CFAP45: variants seen among roughly 807,000 people sequenced by gnomAD.
The protein encoded by CFAP45 is cilia and flagella associated protein 45.
A neutral mutation model predicts 75.6 loss-of-function variants in CFAP45; 43 were observed. That is an observed-to-expected ratio of 0.57 (90% CI 0.45 to 0.73). The LOEUF is 0.73. Among genes scored for constraint, CFAP45 ranks in the 30% least tolerant of loss-of-function variants. The pLI is 0.00. For synonymous variants in CFAP45, 223 were observed against 244.6 expected, an observed-to-expected ratio of 0.91 and a Z score of 0.82; for missense variants, 689 against 701.5, an observed-to-expected ratio of 0.98 and a Z score of 0.20.
rs1649756496 is a variant in CFAP45 at position 159,888,798 on chromosome 1, A to T, written c.273-302T>A. On this transcript the variant is annotated intron_variant, in intron 3 of 11. Transcript: ENST00000368099. ...CCACATGTGCCCACTCTGCCCCCCC[A>T]CCAAGGACCAATAGATCACCTCCTC... Among the ~76,000 whole-genome samples, 3 of 116,572 alleles carry T rather than the reference A, an allele frequency of 2.6e-5. No individual in the cohort carries two copies. The South Asian group carries it at 1.0e-3, about 40-fold the overall frequency. 76.5% of individuals were successfully genotyped at this position (116,572 alleles called of 152,430 possible).
intron 11 of CFAP45, 67 bp from the exon 12 acceptor site, chr1:159,872,630 G>C: frequency 7.1e-7 from 1 of 1,407,398 alleles, no homozygotes; most frequent in Non-Finnish European, 1.0e-6. Context: ...GAGGAAGCAG[G>C]CTCTGGGTGG....
chr1:159,896,414 C>T (rs1013526719), intron 1 of CFAP45, among the ~76,000 whole-genome samples: 6 of 152,126 alleles, frequency 3.9e-5, no homozygotes, highest in African/African-American at 1.4e-4. Flanking sequence ...ACTTTGAAGC[C>T]GCAGCCTTAC....
chr1:159,897,257 C>T (rs1649972771), intron 1 of CFAP45, among the ~76,000 whole-genome samples: 1 of 151,536 alleles, frequency 6.6e-6, no homozygotes, highest in South Asian at 2.1e-4. Context: ...GAGCAAGACA[C>T]TGTCTCAAAA....
intron 8 of CFAP45, among the ~76,000 whole-genome samples, chr1:159,879,510 G>A (rs946630917): frequency 2.6e-5 from 4 of 152,170 alleles, no homozygotes; most frequent in Non-Finnish European, 4.4e-5. Flanking sequence ...CACTTAGCAC[G>A]GAGCCTATGC....
chr1:159,873,265 C>G, intron 10 of CFAP45, 97 bp from the exon 11 acceptor site: 1 of 956,348 alleles, frequency 1.0e-6, no homozygotes, highest in Non-Finnish European at 1.6e-6. Flanking sequence ...CTTCAGTAGA[C>G]ATGCCTCAGA....
chr1:159,893,241 G>C lies in CFAP45; in HGVS notation c.68C>G (p.Ala23Gly). 6.2e-7 allele frequency: 1 copy of C among 1,613,988 alleles called. No homozygotes were observed. Among genetic ancestry groups the C allele is most frequent in the African/African-American group, 1.3e-5 (1 of 75,034 alleles). The change falls in exon 2 of 12, where the codon GCT becomes GGT. Residue 23 changes from alanine to glycine, a missense_variant. Ala to Gly is a moderately conservative substitution (Grantham distance 60). Coordinates refer to ENST00000368099, the MANE Select transcript of CFAP45 (RefSeq NM_012337.3). Reference sequence around the variant, plus strand: ...GCTCACGGCTTTGGTCCGATAGCGAGCCTTATTCCTTGACCTGTTGGAAGC... The same window carrying C: ...GCTCACGGCTTTGGTCCGATAGCGACCCTTATTCCTTGACCTGTTGGAAGC... ...SAASNRSRNKARYRTKAVSSE... is the reference protein window; with the variant it reads ...SAASNRSRNKGRYRTKAVSSE...
chr1:159,884,947 CCAAA>C (rs762261047), intron 6 of CFAP45, among the ~76,000 whole-genome samples: 47 of 152,172 alleles, frequency 3.1e-4, no homozygotes, highest in South Asian at 1.2e-3. Flanking sequence ...TAGTAAAAAG[CCAAA>C]CAAACAAACA....
chr1:159,888,558 G>A, intron 3 of CFAP45, 62 bp from the exon 4 acceptor site: 12 of 1,469,772 alleles, frequency 8.2e-6, no homozygotes, highest in Non-Finnish European at 1.0e-5. Flanking sequence ...CCACACTTCA[G>A]GCTTCTCTGC....
intron 7 of CFAP45, among the ~76,000 whole-genome samples, chr1:159,881,139 A>G (rs1055324398): frequency 2.0e-5 from 3 of 152,138 alleles, no homozygotes; most frequent in Non-Finnish European, 2.9e-5. Flanking sequence ...AGTGCTTTCT[A>G]TTTCTTGAGC....
chr1:159,872,846 A>G, intron 11 of CFAP45, 98 bp downstream of exon 11: 1 of 1,197,282 alleles, frequency 8.4e-7, no homozygotes, highest in African/African-American at 1.5e-5. Flanking sequence ...CATCTCTGCC[A>G]TGGCCCTTCA....
chr1:159,891,160 C>T (rs1459929088), intron 2 of CFAP45, among the ~76,000 whole-genome samples: 1 of 152,166 alleles, frequency 6.6e-6, no homozygotes, highest in Non-Finnish European at 1.5e-5. Flanking sequence ...TGTGTCTATA[C>T]TTAGTCTAAA....
chr1:159,900,034 T>A (rs1370376662), intron 1 of CFAP45, 62 bp downstream of exon 1: 1 of 1,604,822 alleles, frequency 6.2e-7, no homozygotes. Flanking sequence ...GCCCCCACTT[T>A]CCCCACTCAG....
chr1:159,881,838 C>T lies in CFAP45; in HGVS notation c.898-1138G>A, dbSNP rs146978312. Among the ~76,000 whole-genome samples the T allele has an allele frequency of 1.1e-3, 171 of 152,282 alleles. 2 individuals are homozygous for T. The highest frequency in any genetic ancestry group is 3.9e-3 in the African/African-American group (160 of 41,540). ...TCGGAATTAGGGGAACAGCTGGCCC[C>T]CCAATCACCTCCAATCAATCTCAGA... On this transcript the variant is annotated intron_variant, in intron 7 of 11. Coordinates refer to ENST00000368099, the MANE Select transcript of CFAP45 (RefSeq NM_012337.3).
intron 7 of CFAP45, among the ~76,000 whole-genome samples, chr1:159,881,463 C>T (rs1649548771): frequency 6.6e-6 from 1 of 152,150 alleles, no homozygotes; most frequent in Non-Finnish European, 1.5e-5. Context: ...TTGCAGGTCC[C>T]CACTCATTTC....
At chr1:159,884,099 G>A (rs1649617654) in intron 7 of CFAP45, among the ~76,000 whole-genome samples, 1 of 152,160 alleles carries the variant, frequency 6.6e-6, no homozygotes, top group Admixed American at 6.5e-5. Context: ...AATATCCCTA[G>A]GTGATTGAAG....
In CFAP45 at chr1:159,888,021, A is replaced by G; in HGVS notation, c.418-10T>C. ...GTGTCATCACTGCATCCTAAGGGAG[A>G]CCAGTCTGGCTCAGTGGGAGATTAT... is the stretch of plus-strand genomic sequence containing the variant. On this transcript the variant is annotated splice_polypyrimidine_tract_variant and intron_variant, in intron 4 of 11. Transcript: ENST00000368099. The G allele has an allele frequency of 6.2e-7, 1 of 1,612,572 alleles. No individual in the cohort carries two copies. Among genetic ancestry groups the G allele is most frequent in the Non-Finnish European group, 8.5e-7 (1 of 1,178,890 alleles).
chr1:159,893,465 G>A (rs1474730986), intron 1 of CFAP45, among the ~76,000 whole-genome samples, 160 bp from the exon 2 acceptor site: 1 of 152,216 alleles, frequency 6.6e-6, no homozygotes, highest in African/African-American at 2.4e-5. Flanking sequence ...TAGGGGACAA[G>A]GAGCAACAGA....
intron 4 of CFAP45, 89 bp downstream of exon 4, chr1:159,888,263 T>G: frequency 7.3e-7 from 1 of 1,365,528 alleles, no homozygotes; most frequent in Non-Finnish European, 1.0e-6. Flanking sequence ...AATTTGTGCC[T>G]CATTTCAGGG....
At position 159,900,078 on chromosome 1, in the gene CFAP45, T is replaced by C; in HGVS notation, c.3+18A>G. The C allele has an allele frequency of 6.2e-7, 1 of 1,613,930 alleles. No individual in the cohort carries two copies. On this transcript the variant is annotated intron_variant, in intron 1 of 11. Coordinates refer to ENST00000368099, the MANE Select transcript of CFAP45 (RefSeq NM_012337.3). ...CCCAATTCAGGACACAAGGGGCCCA[T>C]CTGAGGTTCTCCCTCACCATCTCCT...
Sources: allele counts gnomAD v4.1 joint callset (sites outside exome capture counted in the v4.1 genomes callset), GRCh38; gene constraint gnomAD v4.1.1; transcripts MANE v1.5; gene names NCBI Gene and HGNC (gene_info 2026-07-23, HGNC 2026-07-21).